PTPRN2: variants seen among roughly 807,000 people sequenced by gnomAD.
PTPRN2 encodes receptor-type tyrosine-protein phosphatase N2.
PTPRN2 carries 74 observed loss-of-function variants against 118.8 expected under a neutral mutation model. That is an observed-to-expected ratio of 0.62 (90% CI 0.52 to 0.76). The LOEUF is 0.76. Among genes scored for constraint, PTPRN2 ranks in the 30% least tolerant of loss-of-function variants. The pLI is 0.00. For synonymous variants in PTPRN2, 641 were observed against 608.0 expected, an observed-to-expected ratio of 1.05 and a Z score of -0.80; for missense variants, 1,481 against 1,394.4, an observed-to-expected ratio of 1.06 and a Z score of -0.99.
chr7:158,258,493 G>A (rs771249613), intron 3 of PTPRN2, among the ~76,000 whole-genome samples: 13 of 152,186 alleles, frequency 8.5e-5, no homozygotes, highest in Admixed American at 1.3e-4. Flanking sequence ...GCTTCTCCAC[G>A]GAGGGAGCTG....
chr7:157,661,461 G>T (rs946729483), intron 13 of PTPRN2, among the ~76,000 whole-genome samples: 6 of 150,926 alleles, frequency 4.0e-5, no homozygotes, highest in Non-Finnish European at 7.4e-5. Flanking sequence ...GCGGGCTTCC[G>T]CCTGGGAACG....
chr7:157,694,242 ATTCAG>A (rs1797662356), intron 12 of PTPRN2, among the ~76,000 whole-genome samples: 1 of 152,196 alleles, frequency 6.6e-6, no homozygotes, highest in African/African-American at 2.4e-5. Context: ...GGTGGCACCA[ATTCAG>A]TTCAATTTGG....
chr7:157,875,067 A>ACACG (rs1795668222), intron 12 of PTPRN2, among the ~76,000 whole-genome samples: 1 of 152,102 alleles, frequency 6.6e-6, no homozygotes, highest in African/African-American at 2.4e-5. Context: ...ACACACACAC[A>ACACG]CACGCTCACT....
chr7:158,254,204 A>G (rs113100148), intron 3 of PTPRN2, among the ~76,000 whole-genome samples: 16 of 33,064 alleles, frequency 4.8e-4, no homozygotes, highest in African/African-American at 2.3e-3. Flanking sequence ...CCCACAGCAC[A>G]ACCCGCCCCC....
intron 3 of PTPRN2, among the ~76,000 whole-genome samples, chr7:158,308,137 A>C (rs1056944151): frequency 6.6e-6 from 1 of 152,234 alleles, no homozygotes; most frequent in East Asian, 1.9e-4. Flanking sequence ...AATGATCCTC[A>C]ATAATATTAA....
intron 12 of PTPRN2, among the ~76,000 whole-genome samples, chr7:157,748,265 G>A (rs1480784012): frequency 6.7e-6 from 1 of 149,680 alleles, no homozygotes; most frequent in Non-Finnish European, 1.5e-5. Flanking sequence ...GGGTGATTCT[G>A]AGGCCTGCGT....
rs1363404614 is a variant in PTPRN2, at chr7:157,610,982, T to C, written c.2345-6907A>G. On this transcript the variant is annotated intron_variant, in intron 15 of 22. Transcript: ENST00000389418. This position sits in a 1 kb window ranked among gnomAD's most constrained non-coding sequence, Gnocchi z 5.1. The stretch of plus-strand genomic sequence containing the variant: ...GCAGACTGGGACAGGCTGGGGCTCA[T>C]ATCCAGAAAGCCCTGCTACATCCAG... 6.6e-6 allele frequency among the ~76,000 whole-genome samples: 1 copy of C among 152,176 alleles called. No individual in the cohort carries two copies. Among genetic ancestry groups the C allele is most frequent in the Non-Finnish European group, 1.5e-5 (1 of 68,024 alleles).
chr7:158,502,498 C>T (rs917325505), intron 1 of PTPRN2, among the ~76,000 whole-genome samples: 1 of 152,202 alleles, frequency 6.6e-6, no homozygotes, highest in African/African-American at 2.4e-5. Flanking sequence ...GACACAGCCA[C>T]CCCTCAGGGG....
chr7:157,865,580 G>C (rs542965251), intron 12 of PTPRN2: 1 of 152,430 alleles, frequency 6.6e-6, no homozygotes, highest in African/African-American at 2.4e-5. Context: ...GCGGGAGCTC[G>C]GCATCTGGAG....
intron 2 of PTPRN2, among the ~76,000 whole-genome samples, chr7:158,367,384 C>G (rs1214927229): frequency 6.6e-6 from 1 of 152,244 alleles, no homozygotes; most frequent in Non-Finnish European, 1.5e-5. Context: ...GCTGACTTCC[C>G]TCACCTGAGC....
At chr7:157,934,032 C>T (rs1044721332) in intron 11 of PTPRN2, among the ~76,000 whole-genome samples, 1 of 152,170 alleles carries the variant, frequency 6.6e-6, no homozygotes, top group Non-Finnish European at 1.5e-5. Flanking sequence ...TATACCGTGG[C>T]TGCCTCAGGA....
At chr7:158,157,972 A>G (rs1026594399) in intron 6 of PTPRN2, among the ~76,000 whole-genome samples, 1 of 152,068 alleles carries the variant, frequency 6.6e-6, no homozygotes, top group Non-Finnish European at 1.5e-5. Flanking sequence ...TGGATCCGAG[A>G]TTAACAATTT....
chr7:158,174,351 T>C (rs1823989454), intron 5 of PTPRN2, among the ~76,000 whole-genome samples: 1 of 151,614 alleles, frequency 6.6e-6, no homozygotes, highest in Non-Finnish European at 1.5e-5. Context: ...TTCACCATCA[T>C]CATCCCACCA....
At chr7:158,188,604 GCCCGCCACGCTCGCCCCCTGAT>G (rs1162082826) in intron 5 of PTPRN2, among the ~76,000 whole-genome samples, 1 of 110,664 alleles carries the variant, frequency 9.0e-6, no homozygotes, top group South Asian at 3.3e-4. Flanking sequence ...TGATGGGGAA[GCCCGCCACGCTCGCCCCCTGAT>G]GGGGAAGGCC....
chr7:157,612,570 G>T (rs1188944813), intron 15 of PTPRN2, among the ~76,000 whole-genome samples: 1 of 152,220 alleles, frequency 6.6e-6, no homozygotes, highest in Non-Finnish European at 1.5e-5. Context: ...GTGGATCGGG[G>T]GCAGAAGCTG....
intron 12 of PTPRN2, among the ~76,000 whole-genome samples, chr7:157,879,418 C>T (rs1444011269): frequency 6.6e-6 from 1 of 152,058 alleles, no homozygotes; most frequent in African/African-American, 2.4e-5. Flanking sequence ...CGTGCACGCA[C>T]ACACACACAG....
At chr7:157,963,666 G>A (rs1338122960) in intron 11 of PTPRN2, among the ~76,000 whole-genome samples, 1 of 152,204 alleles carries the variant, frequency 6.6e-6, no homozygotes, top group East Asian at 1.9e-4. Flanking sequence ...GTCTGCAGGG[G>A]GGAGATCTGT....
chr7:157,576,274 A>G (rs1019869916), intron 19 of PTPRN2, among the ~76,000 whole-genome samples: 6 of 152,222 alleles, frequency 3.9e-5, no homozygotes, highest in Non-Finnish European at 8.8e-5. Flanking sequence ...TGAGAATCCA[A>G]CTGAACATCC....
At position 158,323,048 on chromosome 7, in the gene PTPRN2, T is replaced by C. The variant is rs117981592; in HGVS notation, c.164-6116A>G. ...GCCTTTCCACATGCTACCCAGCCCATGCACAGACAGGCTTGTGGGGGAGGG... is the reference window on the plus strand; with the variant it reads ...GCCTTTCCACATGCTACCCAGCCCACGCACAGACAGGCTTGTGGGGGAGGG... On this transcript the variant is annotated intron_variant, in intron 2 of 22. Transcript: ENST00000389418. Among the ~76,000 whole-genome samples the C allele has an allele frequency of 7.9e-3, 1,206 of 152,338 alleles. 3 individuals carry two copies. The highest frequency in any genetic ancestry group is 0.014 in the Non-Finnish European group (926 of 68,022).
Sources: allele counts gnomAD v4.1 joint callset (sites outside exome capture counted in the v4.1 genomes callset), GRCh38; gene constraint gnomAD v4.1.1; non-coding constraint Gnocchi (gnomAD v3.1); transcripts MANE v1.5; gene names NCBI Gene and HGNC (gene_info 2026-07-23, HGNC 2026-07-21).